The following CAPZB variants were observed in gnomAD, a reference collection of about 807,000 sequenced individuals.
The protein encoded by CAPZB is F-actin-capping protein subunit beta.
CAPZB carries 2 observed loss-of-function variants against 38.1 expected under a neutral mutation model. The ratio of observed to expected loss-of-function variants is 0.05; its 90% confidence interval spans 0.02 to 0.17. The LOEUF (loss-of-function observed/expected upper bound fraction) is 0.17. Ranked by LOEUF, CAPZB falls within the 10% of genes least tolerant of loss-of-function variation. The probability of loss-of-function intolerance (pLI) is 1.00; values close to 1 mark genes in which losing one functional copy is unlikely to be tolerated. For synonymous variants in CAPZB, 107 were observed against 127.4 expected (o/e 0.84, Z 1.08); for missense variants, 161 against 334.2 (o/e 0.48, Z 4.04).
chr1:19,465,461 A>C (rs1362190570), intron 1 of CAPZB, among the ~76,000 whole-genome samples: 2 of 152,220 alleles, frequency 1.3e-5, no homozygotes, highest in African/African-American at 4.8e-5. Context: ...ATTCAGTTTA[A>C]GGTATTTGTT....
At position 19,357,030 on chromosome 1, in the gene CAPZB, G is replaced by A. The variant is rs1230697889; in HGVS notation, c.472-279C>T. ...GCGCCCGCCACCACGCCTGGCTAATGTTTTTTGTGTTTTTGGTAGAGATGC... is the reference window on the plus strand; with the variant it reads ...GCGCCCGCCACCACGCCTGGCTAATATTTTTTGTGTTTTTGGTAGAGATGC... On this transcript the variant is annotated intron_variant, in intron 5 of 8. Coordinates refer to ENST00000264202, the MANE Select transcript of CAPZB (RefSeq NM_004930.5). This position sits in a 1 kb window ranked among gnomAD's most constrained non-coding sequence, Gnocchi z 4.3. Among the ~76,000 whole-genome samples the A allele has an allele frequency of 6.6e-6, 1 of 151,822 alleles. No individual in the cohort carries two copies. Among genetic ancestry groups the A allele is most frequent in the Admixed American group, 6.6e-5 (1 of 15,238 alleles).
At chr1:19,369,179 G>C (rs1196558819) in intron 4 of CAPZB, among the ~76,000 whole-genome samples, 1 of 152,236 alleles carries the variant, frequency 6.6e-6, no homozygotes, top group African/African-American at 2.4e-5. Context: ...CAAGCAACCA[G>C]ACACTGGCCT....
At chr1:19,411,851 G>A (rs914097038) in intron 2 of CAPZB, among the ~76,000 whole-genome samples, 2 of 152,168 alleles carry the variant, frequency 1.3e-5, no homozygotes, top group African/African-American at 4.8e-5. Context: ...GCTGCCACCT[G>A]GACACAAATC....
intron 6 of CAPZB, among the ~76,000 whole-genome samples, chr1:19,348,726 C>T (rs1017770242): frequency 1.4e-5 from 2 of 141,326 alleles, no homozygotes; most frequent in African/African-American, 2.8e-5. Flanking sequence ...TCTGGGAGAC[C>T]GACGGGTCTG....
chr1:19,446,236 A>G (rs940125218), intron 1 of CAPZB, among the ~76,000 whole-genome samples: 3 of 152,242 alleles, frequency 2.0e-5, no homozygotes, highest in African/African-American at 4.8e-5. Flanking sequence ...CAAGTTCAGG[A>G]TGCACTGCGT....
At chr1:19,399,444 AG>A (rs760894447) in intron 2 of CAPZB, among the ~76,000 whole-genome samples, 4 of 152,222 alleles carry the variant, frequency 2.6e-5, no homozygotes, top group South Asian at 4.1e-4. Flanking sequence ...CCTCACTCTC[AG>A]TCGTAGCTGT....
intron 4 of CAPZB, among the ~76,000 whole-genome samples, chr1:19,361,563 G>A (rs894268836): frequency 4.6e-5 from 7 of 152,252 alleles, no homozygotes; most frequent in Non-Finnish European, 1.0e-4. Flanking sequence ...CAGCGCCCCC[G>A]CTACATGGTT....
chr1:19,353,442 C>T (rs2094002999), intron 6 of CAPZB, among the ~76,000 whole-genome samples: 1 of 152,052 alleles, frequency 6.6e-6, no homozygotes, highest in African/African-American at 2.4e-5. Context: ...CACGCCACGC[C>T]AGAATGCCCC....
chr1:19,440,014 G>A (rs1173083596), intron 1 of CAPZB, among the ~76,000 whole-genome samples: 1 of 152,214 alleles, frequency 6.6e-6, no homozygotes, highest in Admixed American at 6.5e-5. Context: ...GCGTGGCCAG[G>A]TGGGGGTGCT....
intron 2 of CAPZB, among the ~76,000 whole-genome samples, chr1:19,395,411 AAAT>A (rs2094261658): frequency 6.6e-6 from 1 of 152,208 alleles, no homozygotes; most frequent in Non-Finnish European, 1.5e-5. Flanking sequence ...ATCCAGAGAT[AAAT>A]AATAAACAAA....
In CAPZB at chr1:19,348,197, A is replaced by G. The variant is rs149596090; in HGVS notation, c.589-2945T>C. 2.6e-4 allele frequency among the ~76,000 whole-genome samples: 40 copies of G among 152,118 alleles called. 1 individual carries two copies. In the East Asian group the frequency reaches 7.4e-3, roughly 28 times the overall value. On this transcript the variant is annotated intron_variant, in intron 6 of 8. Transcript: ENST00000264202. Reference sequence around the variant, plus strand: ...GTTTCCATTGCTTGCTTGGGAAGGCAGTGGTTACCCTCTGTTCTGTCCTGG... The same window carrying G: ...GTTTCCATTGCTTGCTTGGGAAGGCGGTGGTTACCCTCTGTTCTGTCCTGG...
At position 19,339,117 on chromosome 1, in the gene CAPZB, TTTC is replaced by T. The variant is rs1209120028; in HGVS notation, c.*410_*412del. 5.8e-6 allele frequency: 1 copy of T among 173,302 alleles called. No homozygotes were observed. Among genetic ancestry groups the T allele is most frequent in the Non-Finnish European group, 1.2e-5 (1 of 81,154 alleles). The allele number at this position is 173,302 out of a possible 1,614,324, so 10.7% of individuals were successfully genotyped here. A position where few individuals can be genotyped will look rare whatever the true frequency, so the allele number is the denominator to read the frequency against. ...CACACACGGAATAAGATTTCCAGTT[TTTC>T]TTCTCTCTTTCACACACCACAGTTA... On this transcript the variant is annotated 3_prime_UTR_variant, in exon 9 of 9. Transcript: ENST00000264202.
intron 1 of CAPZB, among the ~76,000 whole-genome samples, chr1:19,438,409 G>A (rs183725232): frequency 4.3e-4 from 66 of 152,268 alleles, no homozygotes; most frequent in African/African-American, 1.3e-3. Flanking sequence ...CTACCACCTC[G>A]AAACTGTCCT....
chr1:19,423,393 G>C (rs1339492935), intron 1 of CAPZB, among the ~76,000 whole-genome samples: 1 of 152,010 alleles, frequency 6.6e-6, no homozygotes. Flanking sequence ...TCAGCTACAA[G>C]CAACAACGTA....
intron 2 of CAPZB, among the ~76,000 whole-genome samples, chr1:19,405,753 G>A (rs2094328386): frequency 1.3e-5 from 2 of 152,258 alleles, no homozygotes; most frequent in South Asian, 2.1e-4. Context: ...TCTCTTTTCG[G>A]AGGGGCCGGC....
At chr1:19,456,827 TAAATCTCAAA>T (rs2094534603) in intron 1 of CAPZB, among the ~76,000 whole-genome samples, 2 of 152,208 alleles carry the variant, frequency 1.3e-5, no homozygotes, top group African/African-American at 2.4e-5. Context: ...AGATGATGCT[TAAATCTCAAA>T]CACAACTTCA....
intron 1 of CAPZB, among the ~76,000 whole-genome samples, chr1:19,441,430 A>G (rs1437711216): frequency 6.6e-6 from 1 of 152,182 alleles, no homozygotes; most frequent in East Asian, 1.9e-4. Flanking sequence ...GGAGTTTTAA[A>G]GTGTTTCAGA....
At position 19,485,489 on chromosome 1, in the gene CAPZB, C is replaced by G. The variant is rs1445360155; in HGVS notation, c.-51G>C. The stretch of plus-strand genomic sequence containing the variant: ...GTCCCGGCGTCAGTGGCTCTCCCCC[C>G]CGCAGCAGGGCCCGGCGCTTCCACT... On this transcript the variant is annotated 5_prime_UTR_variant, in exon 1 of 9. Coordinates refer to ENST00000264202, the MANE Select transcript of CAPZB (RefSeq NM_004930.5). 1.4e-5 allele frequency: 17 copies of G among 1,227,624 alleles called. No individual in the cohort carries two copies. Among genetic ancestry groups the G allele is most frequent in the Middle Eastern group, 6.2e-4 (2 of 3,246 alleles). 76.0% of individuals were successfully genotyped at this position (1,227,624 alleles called of 1,614,324 possible).
chr1:19,366,907 T>C (rs1346666637), intron 4 of CAPZB, among the ~76,000 whole-genome samples: 1 of 152,162 alleles, frequency 6.6e-6, no homozygotes, highest in African/African-American at 2.4e-5. Context: ...TTAACATCCT[T>C]ACAACAAAAC....
Sources: gnomAD v4.1 joint callset for allele counts (sites outside exome capture counted in the v4.1 genomes callset) on GRCh38, gnomAD v4.1.1 for gene constraint, Gnocchi (gnomAD v3.1) non-coding constraint, MANE v1.5 for transcripts, NCBI Gene and HGNC (gene_info 2026-07-23, HGNC 2026-07-21) for gene names.